FRK: variants seen among roughly 807,000 people sequenced by gnomAD.
The protein encoded by FRK is tyrosine-protein kinase FRK.
FRK carries 51 observed loss-of-function variants against 56.4 expected under a neutral mutation model. That is an observed-to-expected ratio of 0.90 (90% CI 0.72 to 1.14). FRK has a LOEUF of 1.14. Ranked by LOEUF, FRK falls within the 50% of genes most tolerant of loss-of-function variation. The pLI is 0.00. For synonymous variants in FRK, 245 were observed against 217.9 expected (o/e 1.12, Z -1.10); for missense variants, 570 against 601.4 (o/e 0.95, Z 0.55).
intron 2 of FRK, among the ~76,000 whole-genome samples, chr6:116,001,306 C>T (rs1010417982): frequency 2.6e-5 from 4 of 151,334 alleles, no homozygotes; most frequent in Non-Finnish European, 5.9e-5. Context: ...TACATGCATG[C>T]ACACACATAT....
At chr6:116,080,323 T>G in the FRK span, among the ~76,000 whole-genome samples, 1 of 152,140 alleles carries the variant, frequency 6.6e-6, no homozygotes, top group East Asian at 1.9e-4. Context: ...ACCTGGCTAA[T>G]TTTTGTATTT....
At chr6:116,089,181 A>AT in the FRK span, among the ~76,000 whole-genome samples, 1 of 152,346 alleles carries the variant, frequency 6.6e-6, no homozygotes, top group South Asian at 2.1e-4. Context: ...CAATCCCTAG[A>AT]TAAAAAGGCT....
upstream of FRK, among the ~76,000 whole-genome samples, chr6:116,064,891 A>C (rs879558663): frequency 2.6e-5 from 4 of 152,356 alleles, no homozygotes; most frequent in African/African-American, 9.6e-5. Context: ...TGTTAGCCAG[A>C]CTGGTTTATT....
rs142391544 is a variant in FRK, at chr6:115,932,095, T to C, written c.*10319A>G. 2.9e-3 allele frequency: 447 copies of C among 152,358 alleles called. 1 individual carries two copies. The highest frequency in any genetic ancestry group is 0.01 in the African/African-American group (432 of 41,590). The allele number at this position is 152,358 out of a possible 1,614,324, so 9.4% of individuals were successfully genotyped here. A position where few individuals can be genotyped will look rare whatever the true frequency, so the allele number is the denominator to read the frequency against. ...TCTCTTTTCTTGTAATTTAATCTTA[T>C]AACATCTCTGTAGATAGTGTCATCT... On this transcript the variant is annotated 3_prime_UTR_variant, in exon 8 of 8. Transcript: ENST00000606080.
chr6:116,046,771 AAAGTAT>A (rs1416251638), intron 1 of FRK, among the ~76,000 whole-genome samples: 1 of 151,694 alleles, frequency 6.6e-6, no homozygotes, highest in African/African-American at 2.4e-5. Flanking sequence ...CCCAGAACTT[AAAGTAT>A]AATAATAAGA....
intron 1 of FRK, among the ~76,000 whole-genome samples, chr6:116,018,587 G>C (rs1331275293): frequency 6.6e-6 from 1 of 152,052 alleles, no homozygotes; most frequent in Non-Finnish European, 1.5e-5. Context: ...TTTCATAAGA[G>C]GATATACTCT....
rs1045753149 is a variant in FRK, at chr6:115,938,328, G to C, written c.*4086C>G. The stretch of plus-strand genomic sequence containing the variant: ...ATCTCTGGGACACATTTAAAGCAGT[G>C]TGTAGAGGGAAATTTATAGCACCAA... On this transcript the variant is annotated 3_prime_UTR_variant, in exon 8 of 8. Transcript: ENST00000606080. 1 of 152,210 alleles carries C rather than the reference G, an allele frequency of 6.6e-6. No individual in the cohort carries two copies. Among genetic ancestry groups the C allele is most frequent in the East Asian group, 1.9e-4 (1 of 5,194 alleles). 9.4% of individuals were successfully genotyped at this position (152,210 alleles called of 1,614,324 possible).
At chr6:116,028,305 T>C (rs905826462) in intron 1 of FRK, among the ~76,000 whole-genome samples, 6 of 152,214 alleles carry the variant, frequency 3.9e-5, no homozygotes, top group Admixed American at 3.3e-4. Flanking sequence ...ATTGCATTTT[T>C]ATCTAATAAA....
At chr6:116,094,064 C>T in the FRK span, among the ~76,000 whole-genome samples, 1 of 152,292 alleles carries the variant, frequency 6.6e-6, no homozygotes, top group South Asian at 2.1e-4. Context: ...TCAGAAAGGA[C>T]AGAAAATGAA....
chr6:116,006,659 G>C (rs1409650716), intron 1 of FRK, among the ~76,000 whole-genome samples: 2 of 152,132 alleles, frequency 1.3e-5, no homozygotes, highest in Non-Finnish European at 2.9e-5. Flanking sequence ...GAAATACTAT[G>C]TAGAAATTAA....
chr6:115,994,284 T>C (rs1008492165), intron 2 of FRK, among the ~76,000 whole-genome samples: 1 of 149,280 alleles, frequency 6.7e-6, no homozygotes. Context: ...AGAAGATAAG[T>C]TGGGAAATTT....
chr6:115,974,852 C>T (rs1773934188), intron 2 of FRK, among the ~76,000 whole-genome samples: 1 of 152,154 alleles, frequency 6.6e-6, no homozygotes, highest in African/African-American at 2.4e-5. Flanking sequence ...CCTTCTCTAT[C>T]CACTCGAGCT....
intron 2 of FRK, among the ~76,000 whole-genome samples, chr6:115,997,776 T>C (rs991538486): frequency 6.6e-6 from 1 of 152,176 alleles, no homozygotes; most frequent in African/African-American, 2.4e-5. Flanking sequence ...GGAGACTGTG[T>C]AGAAAAGAAT....
intron 1 of FRK, among the ~76,000 whole-genome samples, chr6:116,031,743 A>G (rs1006099530): frequency 2.0e-5 from 3 of 152,104 alleles, no homozygotes; most frequent in Admixed American, 2.0e-4. Flanking sequence ...GGTTTCTTTC[A>G]ATTTGTTTCT....
intron 1 of FRK, chr6:116,039,315 C>T: frequency 7.0e-7 from 1 of 1,430,030 alleles, no homozygotes; most frequent in South Asian, 1.1e-5. Context: ...ACGAGAAGTT[C>T]TGAGAATGGT....
chr6:115,943,310 A>G, intron 6 of FRK, 125 bp from the exon 7 acceptor site: 3 of 631,164 alleles, frequency 4.8e-6, no homozygotes, highest in Middle Eastern at 3.5e-4. Context: ...GCTTAGTTCA[A>G]CTGACAATTA....
chr6:115,954,811 T>C (rs572445331), intron 5 of FRK, among the ~76,000 whole-genome samples: 12 of 152,344 alleles, frequency 7.9e-5, no homozygotes, highest in African/African-American at 2.9e-4. Context: ...CTGTCACTTC[T>C]GGTCAGAAGC....
At chr6:116,073,118 G>A in the FRK span, among the ~76,000 whole-genome samples, 3 of 152,132 alleles carry the variant, frequency 2.0e-5, no homozygotes, top group African/African-American at 7.2e-5. Context: ...CAGAATTTTG[G>A]TAAGAAGAAG....
chr6:116,008,046 C>T (rs552410327), intron 1 of FRK, among the ~76,000 whole-genome samples: 39 of 152,178 alleles, frequency 2.6e-4, no homozygotes, highest in African/African-American at 8.7e-4. Flanking sequence ...ATTAAGTTCT[C>T]CAGAATTATT....
Sources: gnomAD v4.1 joint callset for allele counts (sites outside exome capture counted in the v4.1 genomes callset) on GRCh38, gnomAD v4.1.1 for gene constraint, MANE v1.5 for transcripts, NCBI Gene and HGNC (gene_info 2026-07-23, HGNC 2026-07-21) for gene names.